The following CYLD variants were observed in gnomAD, a reference collection of about 807,000 sequenced individuals.
CYLD encodes the protein ubiquitin carboxyl-terminal hydrolase CYLD.
CYLD carries 26 observed loss-of-function variants against 104.5 expected under a neutral mutation model. The observed-to-expected ratio is 0.25, with a 90% CI of 0.18 to 0.35. The LOEUF (loss-of-function observed/expected upper bound fraction) is 0.35. Among genes scored for constraint, CYLD ranks in the 10% least tolerant of loss-of-function variants. CYLD has a pLI of 1.00. For synonymous variants in CYLD, 385 were observed against 399.9 expected, an observed-to-expected ratio of 0.96 and a Z score of 0.45; for missense variants, 703 against 1,136.1, an observed-to-expected ratio of 0.62 and a Z score of 5.48.
At chr16:50,787,007 A>G in intron 13 of CYLD, 61 bp downstream of exon 13, 1 of 1,326,102 alleles carries the variant, frequency 7.5e-7, no homozygotes, top group Non-Finnish European at 1.1e-6. Flanking sequence ...ATGTCAAAGT[A>G]TTAGCTGAAA....
chr16:50,745,051 GTATT>G (rs1966056821), intron 2 of CYLD, among the ~76,000 whole-genome samples: 1 of 152,158 alleles, frequency 6.6e-6, no homozygotes, highest in South Asian at 2.1e-4. Flanking sequence ...TTTTCATTCA[GTATT>G]TATTACCAAG....
rs897918884 is a variant in CYLD at position 50,751,976 on chromosome 16, A to G, written c.807+70A>G. On this transcript the variant is annotated intron_variant, in intron 4 of 18. Coordinates refer to ENST00000427738, the MANE Select transcript of CYLD (RefSeq NM_001378743.1). ...TTTATATATATATGTATATATATAT[A>G]TAAACATATATATACACACATATAT... 3.1e-5 allele frequency: 13 copies of G among 424,150 alleles called. No individual in the cohort carries two copies. In the African/African-American group the frequency reaches 3.7e-4, roughly 12 times the overall value. 26.3% of individuals were successfully genotyped at this position (424,150 alleles called of 1,614,324 possible). A position where few individuals can be genotyped will look rare whatever the true frequency, so the allele number is the denominator to read the frequency against.
In CYLD at chr16:50,793,657, A is replaced by C; in HGVS notation, c.2462A>C (p.Asn821Thr). 2 of 1,601,042 alleles carry C rather than the reference A, an allele frequency of 1.2e-6. No individual in the cohort carries two copies. The highest frequency in any genetic ancestry group is 1.7e-6 in the Non-Finnish European group (2 of 1,168,118). ...ATCAAGCAGTTTTGTAAAACCTGCA[A>C]CACTCAAGTGAGCTTCCCTTCACTT... is the stretch of plus-strand genomic sequence containing the variant. ...GKIKQFCKTC[N>T]TQVHLHPKRL... Residue 821 changes from asparagine to threonine, a missense_variant, in exon 17 of 19, where the codon AAC becomes ACC. This residue lies in a region of CYLD where 130 missense variants were observed against 220.2 expected (regional missense o/e 0.59). Transcript: ENST00000427738.
chr16:50,767,459 G>T (rs1275735099), intron 5 of CYLD, among the ~76,000 whole-genome samples: 1 of 134,220 alleles, frequency 7.5e-6, no homozygotes, highest in African/African-American at 2.9e-5. Context: ...TGGGTTTGTG[G>T]GTTTCAATTT....
At chr16:50,767,151 C>G (rs1968605046) in intron 5 of CYLD, among the ~76,000 whole-genome samples, 1 of 152,216 alleles carries the variant, frequency 6.6e-6, no homozygotes. Context: ...TCACCGTGAT[C>G]AGTCAGCACC....
Position 50,791,168 on chromosome 16 carries a change from A to G in CYLD, c.2109-390A>G, listed in dbSNP as rs182108882. Among the ~76,000 whole-genome samples the G allele has an allele frequency of 3.2e-3, 494 of 152,330 alleles. 3 individuals are homozygous for G. Among genetic ancestry groups the G allele is most frequent in the Middle Eastern group, 6.8e-3 (2 of 294 alleles). The stretch of plus-strand genomic sequence containing the variant: ...CTGCTAAGGGTCTGTCACATCCAGC[A>G]TATAATAATTTATTTTCAGGCATTA... On this transcript the variant is annotated intron_variant, in intron 14 of 18. Coordinates refer to ENST00000427738, the MANE Select transcript of CYLD (RefSeq NM_001378743.1).
At chr16:50,748,957 G>A (rs551627299) in intron 2 of CYLD, among the ~76,000 whole-genome samples, 4 of 152,328 alleles carry the variant, frequency 2.6e-5, no homozygotes, top group African/African-American at 7.2e-5. Flanking sequence ...ATCCCAGTGC[G>A]TTGGGAGGCC....
Position 50,796,726 on chromosome 16 carries a change from G to GT in CYLD, c.*224dup, listed in dbSNP as rs1412700639. 1.8e-6 allele frequency: 1 copy of GT among 557,888 alleles called. No homozygotes were observed. Among genetic ancestry groups the GT allele is most frequent in the Admixed American group, 3.0e-5 (1 of 33,246 alleles). 34.6% of individuals were successfully genotyped at this position (557,888 alleles called of 1,614,324 possible). A position where few individuals can be genotyped will look rare whatever the true frequency, so the allele number is the denominator to read the frequency against. ...CACTCTAGAAAGTATGTTTGTGTTGGTTTTTTAAGAAGTCTAAATGAAGTT... is the reference window on the plus strand; with the variant it reads ...CACTCTAGAAAGTATGTTTGTGTTGGTTTTTTTAAGAAGTCTAAATGAAGTT... On this transcript the variant is annotated 3_prime_UTR_variant, in exon 19 of 19. Transcript: ENST00000427738.
intron 12 of CYLD, chr16:50,786,148 T>C (rs1322962514): frequency 2.6e-5 from 4 of 152,254 alleles, no homozygotes; most frequent in African/African-American, 9.6e-5. Flanking sequence ...CAGTTTCTTA[T>C]AAATTCCCTT....
At chr16:50,742,562 A>T in intron 1 of CYLD, 200 bp from the exon 2 acceptor site, 1 of 140,816 alleles carries the variant, frequency 7.1e-6, no homozygotes, top group Non-Finnish European at 1.5e-5. Context: ...CACCCCATTT[A>T]CAGATTGGGA....
intron 5 of CYLD, among the ~76,000 whole-genome samples, chr16:50,762,705 T>C (rs1968087022): frequency 6.6e-6 from 1 of 152,248 alleles, no homozygotes; most frequent in African/African-American, 2.4e-5. Flanking sequence ...ATATTAAAAC[T>C]TCTAATATAT....
At chr16:50,749,409 T>C in intron 2 of CYLD, 167 bp from the exon 3 acceptor site, 1 of 545,462 alleles carries the variant, frequency 1.8e-6, no homozygotes, top group East Asian at 2.9e-5. Flanking sequence ...TGTATGTCTT[T>C]TAGCCCTTTT....
At chr16:50,776,649 C>T (rs1169086786) in intron 7 of CYLD, among the ~76,000 whole-genome samples, 1 of 152,156 alleles carries the variant, frequency 6.6e-6, no homozygotes, top group Non-Finnish European at 1.5e-5. Flanking sequence ...ATGGATTTTG[C>T]TAACTAGATT....
At chr16:50,744,772 T>G (rs1248778302) in intron 2 of CYLD, 4 of 152,378 alleles carry the variant, frequency 2.6e-5, no homozygotes, top group African/African-American at 7.2e-5. Context: ...GTAAAACATA[T>G]TTCCTGATCA....
chr16:50,790,722 T>A (rs75247910), intron 14 of CYLD, among the ~76,000 whole-genome samples: 1 of 152,004 alleles, frequency 6.6e-6, no homozygotes, highest in Non-Finnish European at 1.5e-5. Flanking sequence ...TTTTTTTTTT[T>A]AAGTGAAAAC....
At chr16:50,749,424 A>G in intron 2 of CYLD, 152 bp from the exon 3 acceptor site, 2 of 548,022 alleles carry the variant, frequency 3.6e-6, no homozygotes, top group Non-Finnish European at 6.4e-6. Context: ...CCTTTTAGAT[A>G]TTTTTTGAAA....
At chr16:50,790,215 A>G (rs1971290391) in intron 14 of CYLD, among the ~76,000 whole-genome samples, 1 of 152,250 alleles carries the variant, frequency 6.6e-6, no homozygotes, top group South Asian at 2.1e-4. Flanking sequence ...GAGACTTACT[A>G]TAGGATGTAC....
chr16:50,783,594 A>T (rs1033105732), intron 11 of CYLD, among the ~76,000 whole-genome samples: 1 of 152,160 alleles, frequency 6.6e-6, no homozygotes, highest in Non-Finnish European at 1.5e-5. Flanking sequence ...GCTGGAATGC[A>T]GTGACGTGAT....
chr16:50,799,508 C>G lies in CYLD; in HGVS notation c.*3000C>G, dbSNP rs886052063. The G allele has an allele frequency of 2.6e-5, 6 of 233,600 alleles. No individual in the cohort carries two copies. Among genetic ancestry groups the G allele is most frequent in the Admixed American group, 1.1e-4 (2 of 17,772 alleles). The allele number at this position is 233,600 out of a possible 1,614,324, so 14.5% of individuals were successfully genotyped here. ...CAAAAATCAACTAAATATGTTGTTA[C>G]TGTTGCTAAGGATTTTCTCCTTAGA... On this transcript the variant is annotated 3_prime_UTR_variant, in exon 19 of 19. Coordinates refer to ENST00000427738, the MANE Select transcript of CYLD (RefSeq NM_001378743.1).
Sources: gnomAD v4.1 joint callset for allele counts (sites outside exome capture counted in the v4.1 genomes callset) on GRCh38, gnomAD v4.1.1 for gene constraint, gnomAD v4.1.1 regional missense constraint, MANE v1.5 for transcripts, NCBI Gene and HGNC (gene_info 2026-07-23, HGNC 2026-07-21) for gene names.